The following MIPEP variants were observed in gnomAD, a reference collection of about 807,000 sequenced individuals.
MIPEP encodes mitochondrial intermediate peptidase.
In MIPEP, 79 loss-of-function variants were observed where a neutral mutation model predicts 90.3. The observed-to-expected ratio is 0.87, with a 90% CI of 0.73 to 1.05. MIPEP has a LOEUF of 1.05. Among genes scored for constraint, MIPEP ranks in the 50% least tolerant of loss-of-function variants. The pLI is 0.00. For missense variants in MIPEP, 940 were observed against 905.6 expected, an observed-to-expected ratio of 1.04 and a Z score of -0.49; for synonymous variants, 334 against 315.8, an observed-to-expected ratio of 1.06 and a Z score of -0.61.
chr13:23,882,056 G>A (rs1435114180), intron 2 of MIPEP, among the ~76,000 whole-genome samples: 3 of 149,302 alleles, frequency 2.0e-5, no homozygotes, highest in Non-Finnish European at 3.0e-5. Flanking sequence ...TAAACACCAA[G>A]CAAATTCTTT....
intron 10 of MIPEP, among the ~76,000 whole-genome samples, chr13:23,847,604 G>A (rs1593188474): frequency 1.3e-5 from 2 of 152,240 alleles, no homozygotes; most frequent in Admixed American, 1.3e-4. Flanking sequence ...CTATAAACCA[G>A]ACTGTAGCTA....
intron 16 of MIPEP, among the ~76,000 whole-genome samples, chr13:23,799,023 T>TG (rs1953000758): frequency 7.8e-6 from 1 of 128,690 alleles, no homozygotes; most frequent in South Asian, 2.5e-4. Context: ...TTTTTTTTTT[T>TG]GACAGAGTCT....
In MIPEP at chr13:23,878,192, A is replaced by G. The variant is rs7332052; in HGVS notation, c.539+1076T>C. On this transcript the variant is annotated intron_variant, in intron 4 of 18. Transcript: ENST00000382172. The stretch of plus-strand genomic sequence containing the variant: ...TATAAATCTGGCACAATTAATAGGC[A>G]TTCGACTTTTCCTTGCTTTGCTAAT... Among the ~76,000 whole-genome samples, 1,191 of 152,338 alleles carry G rather than the reference A, an allele frequency of 7.8e-3. 15 individuals are homozygous for G. Among genetic ancestry groups the G allele is most frequent in the African/African-American group, 0.027 (1,131 of 41,572 alleles).
chr13:23,738,614 G>GT (rs67929968), intron 18 of MIPEP, among the ~76,000 whole-genome samples: 2,478 of 143,004 alleles, frequency 0.017, 19 homozygotes, highest in African/African-American at 0.027. Context: ...CGCCCAGCTA[G>GT]TTTTTTTTTT....
intron 14 of MIPEP, among the ~76,000 whole-genome samples, chr13:23,831,962 G>A (rs947571605): frequency 5.3e-5 from 8 of 152,130 alleles, no homozygotes; most frequent in Admixed American, 4.6e-4. Context: ...GAGCCACTGT[G>A]ATTTTATGAC....
At chr13:23,870,401 C>CA (rs1455206358) in intron 5 of MIPEP, among the ~76,000 whole-genome samples, 1 of 151,714 alleles carries the variant, frequency 6.6e-6, no homozygotes. Flanking sequence ...AATATTCTAA[C>CA]AAAAAGATCA....
intron 7 of MIPEP, among the ~76,000 whole-genome samples, chr13:23,864,727 C>A (rs1870455285): frequency 1.2e-5 from 1 of 80,136 alleles, no homozygotes. Context: ...GAAAGTGAGA[C>A]TCCATCTCAA....
chr13:23,759,092 T>C (rs1300156252), intron 17 of MIPEP, among the ~76,000 whole-genome samples: 1 of 152,164 alleles, frequency 6.6e-6, no homozygotes, highest in Admixed American at 6.5e-5. Flanking sequence ...AGAAGATAAA[T>C]GCTATAAACA....
intron 16 of MIPEP, among the ~76,000 whole-genome samples, chr13:23,780,279 G>T (rs1952766346): frequency 6.6e-6 from 1 of 152,200 alleles, no homozygotes; most frequent in African/African-American, 2.4e-5. Context: ...GATCAAGCAG[G>T]AACATTTGCT....
chr13:23,834,377 G>C (rs1043195857), intron 14 of MIPEP, among the ~76,000 whole-genome samples: 3 of 152,152 alleles, frequency 2.0e-5, no homozygotes, highest in Non-Finnish European at 4.4e-5. Flanking sequence ...CTCCTGGCCA[G>C]GCCTCCCCAG....
At chr13:23,801,865 T>C (rs545884846) in intron 16 of MIPEP, among the ~76,000 whole-genome samples, 1 of 151,886 alleles carries the variant, frequency 6.6e-6, no homozygotes, top group Non-Finnish European at 1.5e-5. Context: ...CCCCCTCACC[T>C]TTTTTTTAAC....
chr13:23,827,804 C>T (rs1211576847), intron 14 of MIPEP, among the ~76,000 whole-genome samples: 3 of 152,100 alleles, frequency 2.0e-5, no homozygotes, highest in Admixed American at 6.5e-5. Flanking sequence ...TGGTGGCACA[C>T]GCTGTAATCC....
chr13:23,836,359 GAAA>G lies in MIPEP; in HGVS notation c.1544-13_1544-11del. Reference sequence around the variant, plus strand: ...GTAGGGCACCTGGTCCCTAAAACAAGAAAAAAAAAAAAGTTGGCATGAATCAAA... The same window carrying G: ...GTAGGGCACCTGGTCCCTAAAACAAGAAAAAAAAAGTTGGCATGAATCAAA... On this transcript the variant is annotated splice_polypyrimidine_tract_variant and intron_variant, in intron 13 of 18. Coordinates refer to ENST00000382172, the MANE Select transcript of MIPEP (RefSeq NM_005932.4). 10 of 1,193,724 alleles carry G rather than the reference GAAA, an allele frequency of 8.4e-6. No individual in the cohort carries two copies. Among genetic ancestry groups the G allele is most frequent in the South Asian group, 5.0e-5 (3 of 59,658 alleles). 73.9% of individuals were successfully genotyped at this position (1,193,724 alleles called of 1,614,324 possible).
intron 11 of MIPEP, among the ~76,000 whole-genome samples, chr13:23,840,909 C>T (rs1030320720): frequency 3.9e-5 from 6 of 151,976 alleles, no homozygotes; most frequent in South Asian, 2.1e-4. Context: ...AGAACACGGA[C>T]GTAAATTAAT....
chr13:23,756,874 C>G (rs772953963), intron 17 of MIPEP: 1 of 468,052 alleles, frequency 2.1e-6, no homozygotes, highest in South Asian at 3.0e-5. Flanking sequence ...TAACAAGAGA[C>G]CTCACTTTAT....
Position 23,855,504 on chromosome 13 carries a change from C to CA in MIPEP, c.1106+3355dup, listed in dbSNP as rs147406106. On this transcript the variant is annotated intron_variant, in intron 10 of 18. Transcript: ENST00000382172. ...CTATATTTCATTTTGTGTCAAGCCA[C>CA]ACATTTAAGTCTTTACTTGAAAGGT... 3.9e-3 allele frequency among the ~76,000 whole-genome samples: 599 copies of CA among 152,234 alleles called. 5 individuals carry two copies. Among genetic ancestry groups the CA allele is most frequent in the African/African-American group, 0.014 (566 of 41,544 alleles).
intron 11 of MIPEP, among the ~76,000 whole-genome samples, chr13:23,840,259 T>G (rs1869235772): frequency 6.6e-6 from 1 of 152,188 alleles, no homozygotes; most frequent in African/African-American, 2.4e-5. Flanking sequence ...CTTTCAGAAT[T>G]TAATGATTCC....
At chr13:23,771,284 A>G (rs1952647716) in intron 16 of MIPEP, among the ~76,000 whole-genome samples, 1 of 152,336 alleles carries the variant, frequency 6.6e-6, no homozygotes, top group Admixed American at 6.5e-5. Context: ...TCAGCTGCTA[A>G]CAGAATCCTT....
intron 14 of MIPEP, among the ~76,000 whole-genome samples, chr13:23,820,399 A>C (rs1953292672): frequency 6.6e-6 from 1 of 152,220 alleles, no homozygotes; most frequent in Admixed American, 6.5e-5. Context: ...CCCATTTTCC[A>C]AAATTATTTG....
Sources: allele counts gnomAD v4.1 joint callset (sites outside exome capture counted in the v4.1 genomes callset), GRCh38; gene constraint gnomAD v4.1.1; transcripts MANE v1.5; gene names NCBI Gene and HGNC (gene_info 2026-07-23, HGNC 2026-07-21).